The following HSD17B12 variants were observed in gnomAD, a reference collection of about 807,000 sequenced individuals.
HSD17B12 encodes very-long-chain 3-oxoacyl-CoA reductase.
Under a neutral mutation model 39.3 loss-of-function variants are expected in HSD17B12, and 32 were observed. That is an observed-to-expected ratio of 0.81 (90% confidence interval 0.61 to 1.09). The LOEUF (loss-of-function observed/expected upper bound fraction) is 1.09, where lower values mean the gene tolerates loss of function less well. Among genes scored for constraint, HSD17B12 ranks in the 50% least tolerant of loss-of-function variants. The pLI, the probability that HSD17B12 is intolerant of heterozygous loss-of-function variation, is 0.00. For missense variants in HSD17B12, 342 were observed against 382.9 expected (o/e 0.89, Z 0.89); for synonymous variants, 150 against 146.7 (o/e 1.02, Z -0.16).
chr11:43,690,394 A>T (rs1364574499), intron 1 of HSD17B12, among the ~76,000 whole-genome samples: 13,710 of 23,184 alleles, frequency 0.59, 4,185 homozygotes, highest in East Asian at 0.76. Flanking sequence ...ATATATATAT[A>T]TATATATATA....
At chr11:43,785,505 A>G (rs1950807674) in intron 3 of HSD17B12, among the ~76,000 whole-genome samples, 1 of 152,208 alleles carries the variant, frequency 6.6e-6, no homozygotes, top group Non-Finnish European at 1.5e-5. Flanking sequence ...AGCTTGCTCT[A>G]GTCCAAACAG....
chr11:43,628,691 TC>T, the HSD17B12 span, among the ~76,000 whole-genome samples: 3 of 152,062 alleles, frequency 2.0e-5, no homozygotes, highest in Non-Finnish European at 4.4e-5. Flanking sequence ...CCAAAACCTC[TC>T]TTTAAAACTT....
intron 3 of HSD17B12, among the ~76,000 whole-genome samples, chr11:43,778,024 C>CA (rs1428691133): frequency 1.3e-5 from 2 of 151,888 alleles, no homozygotes; most frequent in African/African-American, 4.8e-5. Context: ...AAAAACCCTT[C>CA]AAAAAATTAA....
the HSD17B12 span, among the ~76,000 whole-genome samples, chr11:43,582,273 A>AAGC: frequency 2.6e-5 from 4 of 152,114 alleles, no homozygotes; most frequent in African/African-American, 7.2e-5. Flanking sequence ...GCAGGAACAG[A>AAGC]AGCAGCAGCA....
rs751627615 is a variant in HSD17B12, at chr11:43,854,810, T to G, written c.780T>G (p.Ile260Met). Reference sequence around the variant, plus strand: ...CGGAGACGTTTGTGAAGTCTGCAATTAAAACAGTCGGCCTGCAATCCCGAA... The same window carrying G: ...CGGAGACGTTTGTGAAGTCTGCAATGAAAACAGTCGGCCTGCAATCCCGAA... ...PSPETFVKSA[I>M]KTVGLQSRTN... is the part of the protein sequence containing the mutation. The change falls in exon 10 of 11, where the codon ATT becomes ATG. Residue 260 changes from isoleucine (I) to methionine (M), a missense_variant. Physicochemically the swap from Ile to Met is conservative, Grantham distance 10. Transcript: ENST00000278353. 1 of 1,614,204 alleles carries G rather than the reference T, an allele frequency of 6.2e-7. No homozygotes were observed. The highest frequency in any genetic ancestry group is 1.7e-5 in the Admixed American group (1 of 60,028).
At chr11:43,659,697 T>C in the HSD17B12 span, among the ~76,000 whole-genome samples, 1 of 152,182 alleles carries the variant, frequency 6.6e-6, no homozygotes, top group African/African-American at 2.4e-5. Context: ...AGAAAATATT[T>C]GCAAGACATC....
chr11:43,750,913 G>A lies in HSD17B12; in HGVS notation c.163G>A (p.Val55Ile), dbSNP rs183340143. The change falls in exon 2 of 11, where the codon GTC becomes ATC. Residue 55 changes from valine (V) to isoleucine (I), a missense_variant and splice_region_variant. Physicochemically the swap from Val to Ile is conservative, Grantham distance 29. Transcript: ENST00000278353. ...TATTGCTTTTTTCCCTTTCCCAGTT[G>A]TCACAGGTAGTACTGATGGAATTGG... is the stretch of plus-strand genomic sequence containing the variant. ...VGPGLGEWAV[V>I]TGSTDGIGKS... 6.3e-7 allele frequency: 1 copy of A among 1,597,636 alleles called. No homozygotes were observed. The highest frequency in any genetic ancestry group is 1.3e-5 in the African/African-American group (1 of 74,476).
chr11:43,711,154 A>C (rs905687983), intron 1 of HSD17B12, among the ~76,000 whole-genome samples: 4 of 152,164 alleles, frequency 2.6e-5, no homozygotes, highest in Non-Finnish European at 5.9e-5. Flanking sequence ...ACTCTTTGAA[A>C]ATTCCATTGA....
At chr11:43,848,226 G>A (rs1367897968) in intron 9 of HSD17B12, among the ~76,000 whole-genome samples, 1 of 152,142 alleles carries the variant, frequency 6.6e-6, no homozygotes, top group African/African-American at 2.4e-5. Flanking sequence ...TTGAAAAATG[G>A]CTTAAGAATA....
At chr11:43,578,285 C>G in the HSD17B12 span, among the ~76,000 whole-genome samples, 9 of 152,266 alleles carry the variant, frequency 5.9e-5, no homozygotes, top group African/African-American at 1.9e-4. Context: ...GGTCTCTCTG[C>G]TTCATTCACC....
chr11:43,825,479 A>C (rs755206654), intron 6 of HSD17B12, among the ~76,000 whole-genome samples: 5 of 152,224 alleles, frequency 3.3e-5, no homozygotes, highest in Non-Finnish European at 5.9e-5. Context: ...TCCGTTCAGC[A>C]GTCTAATTGT....
chr11:43,726,903 TG>T (rs1176790638), intron 1 of HSD17B12, among the ~76,000 whole-genome samples: 1 of 151,974 alleles, frequency 6.6e-6, no homozygotes. Context: ...AGTTGGGAGG[TG>T]GGGGGCCATG....
intron 9 of HSD17B12, among the ~76,000 whole-genome samples, chr11:43,847,715 CAAAAA>C (rs749195210): frequency 2.3e-4 from 20 of 85,722 alleles, no homozygotes; most frequent in Non-Finnish European, 1.5e-4. Context: ...CTCTGCCTCA[CAAAAA>C]AAAAAAAAAA....
Position 43,706,290 on chromosome 11 carries a change from T to A in HSD17B12, c.160+25303T>A, listed in dbSNP as rs370231396. Among the ~76,000 whole-genome samples the A allele has an allele frequency of 8.5e-5, 13 of 152,286 alleles. No individual in the cohort carries two copies. In the East Asian group the frequency reaches 2.1e-3, roughly 25 times the overall value. ...CTGGCATGATGGCTCATGCCTCTAATCTCAGCACTTTGGGAGGCCGAGGTG... is the reference window on the plus strand; with the variant it reads ...CTGGCATGATGGCTCATGCCTCTAAACTCAGCACTTTGGGAGGCCGAGGTG... On this transcript the variant is annotated intron_variant, in intron 1 of 10. Coordinates refer to ENST00000278353, the MANE Select transcript of HSD17B12 (RefSeq NM_016142.3).
At chr11:43,717,226 A>G (rs1950132361) in intron 1 of HSD17B12, among the ~76,000 whole-genome samples, 1 of 152,200 alleles carries the variant, frequency 6.6e-6, no homozygotes, top group Non-Finnish European at 1.5e-5. Context: ...TATCAATTCC[A>G]TGAGGACTTT....
At chr11:43,805,500 A>G (rs981433140) in intron 4 of HSD17B12, among the ~76,000 whole-genome samples, 2 of 152,194 alleles carry the variant, frequency 1.3e-5, no homozygotes, top group African/African-American at 2.4e-5. Context: ...GAGAGCACCA[A>G]AGGTAAACTT....
intron 3 of HSD17B12, among the ~76,000 whole-genome samples, chr11:43,781,470 C>G (rs762602148): frequency 2.6e-5 from 4 of 151,994 alleles, no homozygotes; most frequent in African/African-American, 9.7e-5. Flanking sequence ...ACTCATGAAC[C>G]AATTCTGTTT....
intron 1 of HSD17B12, among the ~76,000 whole-genome samples, chr11:43,734,905 C>T (rs1950303215): frequency 6.6e-6 from 1 of 152,192 alleles, no homozygotes. Flanking sequence ...AAAGGAAACA[C>T]CATACCCACT....
intron 3 of HSD17B12, among the ~76,000 whole-genome samples, chr11:43,778,219 A>T (rs919324625): frequency 2.6e-4 from 39 of 152,368 alleles, no homozygotes; most frequent in Admixed American, 2.1e-3. Context: ...CTATGCAAAT[A>T]AACTAGACAA....
Sources: gnomAD v4.1 joint callset for allele counts (sites outside exome capture counted in the v4.1 genomes callset) on GRCh38, gnomAD v4.1.1 for gene constraint, MANE v1.5 for transcripts, NCBI Gene and HGNC (gene_info 2026-07-23, HGNC 2026-07-21) for gene names.